FAM78B: variants seen among roughly 807,000 people sequenced by gnomAD.
FAM78B encodes protein FAM78B.
FAM78B carries 10 observed loss-of-function variants against 20.0 expected under a neutral mutation model. The ratio of observed to expected loss-of-function variants is 0.50; its 90% confidence interval spans 0.31 to 0.85. The LOEUF (loss-of-function observed/expected upper bound fraction) is 0.85. FAM78B is among the 40% of genes least tolerant of loss of function. The pLI, the probability that FAM78B is intolerant of heterozygous loss-of-function variation, is 0.05. For synonymous variants in FAM78B, 135 were observed against 132.8 expected (o/e 1.02, Z -0.12); for missense variants, 283 against 345.0 (o/e 0.82, Z 1.42).
chr1:166,086,482 G>C (rs1462397635), intron 1 of FAM78B, among the ~76,000 whole-genome samples: 1 of 152,190 alleles, frequency 6.6e-6, no homozygotes, highest in South Asian at 2.1e-4. Context: ...GGTGTAGGGG[G>C]AAGGGTCAAG....
intron 1 of FAM78B, among the ~76,000 whole-genome samples, chr1:166,162,288 G>C (rs554999092): frequency 1.3e-5 from 2 of 152,334 alleles, no homozygotes; most frequent in East Asian, 3.9e-4. Flanking sequence ...TCTGAAGGAG[G>C]AGTAGAGGGA....
chr1:166,149,734 C>A (rs1457454890), intron 1 of FAM78B, among the ~76,000 whole-genome samples: 3 of 152,200 alleles, frequency 2.0e-5, no homozygotes, highest in Non-Finnish European at 4.4e-5. Context: ...ATGGCCCCAA[C>A]CACCTTGAGC....
rs1557891069 is a variant in FAM78B at position 166,077,913 on chromosome 1, TATATATATAATAAATATATAATA to T, written c.264-7173_264-7151del. ...AATATATATAATTTATATATATAAT[TATATATATAATAAATATATAATA>T]ATATATATAATTTATATATATAATT... is the stretch of plus-strand genomic sequence containing the variant. On this transcript the variant is annotated intron_variant, in intron 1 of 1. Transcript: ENST00000354422. Among the ~76,000 whole-genome samples, 40 of 5,312 alleles carry T rather than the reference TATATATATAATAAATATATAATA, an allele frequency of 7.5e-3. 4 individuals are homozygous for T. Among genetic ancestry groups the T allele is most frequent in the African/African-American group, 8.0e-3 (26 of 3,240 alleles). The allele number at this position is 5,312 out of a possible 152,430, so 3.5% of individuals were successfully genotyped here.
intron 2 of FAM78B, among the ~76,000 whole-genome samples, chr1:166,061,376 G>A (rs1406249904): frequency 6.6e-6 from 1 of 151,638 alleles, no homozygotes; most frequent in Non-Finnish European, 1.5e-5. Context: ...TTGAATTTTT[G>A]ATATGCTCTG....
chr1:166,064,074 G>A (rs1430340450), intron 2 of FAM78B, among the ~76,000 whole-genome samples: 2 of 152,174 alleles, frequency 1.3e-5, no homozygotes, highest in African/African-American at 4.8e-5. Context: ...GAGCCCTTGG[G>A]AAGCAGCCCT....
At chr1:166,115,719 G>A (rs1169784770) in intron 1 of FAM78B, among the ~76,000 whole-genome samples, 2 of 152,202 alleles carry the variant, frequency 1.3e-5, no homozygotes, top group Admixed American at 6.5e-5. Flanking sequence ...GCGGCTGAGG[G>A]CTCAAGAAAG....
chr1:166,161,594 T>TA (rs1256793365), intron 1 of FAM78B, among the ~76,000 whole-genome samples: 2 of 152,140 alleles, frequency 1.3e-5, no homozygotes, highest in Non-Finnish European at 2.9e-5. Flanking sequence ...AGGTGACAGT[T>TA]AATGGTGACA....
intron 1 of FAM78B, among the ~76,000 whole-genome samples, chr1:166,096,714 C>T (rs1653290774): frequency 6.6e-6 from 1 of 152,196 alleles, no homozygotes; most frequent in Non-Finnish European, 1.5e-5. Context: ...TGGTCTTCCT[C>T]CCTGAATACC....
intron 1 of FAM78B, among the ~76,000 whole-genome samples, chr1:166,085,280 T>C (rs747364049): frequency 6.6e-6 from 1 of 152,142 alleles, no homozygotes; most frequent in Non-Finnish European, 1.5e-5. Context: ...CTGATGGAGA[T>C]AATGAACACT....
downstream of FAM78B, among the ~76,000 whole-genome samples, chr1:166,065,951 A>T (rs1443050085): frequency 6.6e-6 from 1 of 152,176 alleles, no homozygotes; most frequent in Non-Finnish European, 1.5e-5. Context: ...GTGTGTTTAC[A>T]TCTTTCTTTG....
intron 1 of FAM78B, among the ~76,000 whole-genome samples, chr1:166,079,044 G>A (rs570196514): frequency 1.5e-4 from 22 of 150,406 alleles, no homozygotes; most frequent in African/African-American, 4.4e-4. Context: ...TGATCCTCCC[G>A]CCTCAGCCTC....
At chr1:166,090,678 G>A (rs1425649807) in intron 1 of FAM78B, among the ~76,000 whole-genome samples, 1 of 152,126 alleles carries the variant, frequency 6.6e-6, no homozygotes, top group Admixed American at 6.5e-5. Flanking sequence ...GGGTGCAGGC[G>A]ACAACAAGAC....
chr1:166,126,556 G>A (rs1188324745), intron 1 of FAM78B, among the ~76,000 whole-genome samples: 1 of 152,126 alleles, frequency 6.6e-6, no homozygotes, highest in East Asian at 1.9e-4. Context: ...CCATCTGGGG[G>A]AGGGGCATTC....
At chr1:166,105,218 A>C (rs1432660328) in intron 1 of FAM78B, among the ~76,000 whole-genome samples, 1 of 152,258 alleles carries the variant, frequency 6.6e-6, no homozygotes, top group Non-Finnish European at 1.5e-5. Context: ...GATGCATTAA[A>C]GACTTAAATG....
intron 1 of FAM78B, among the ~76,000 whole-genome samples, chr1:166,091,091 G>C (rs1231266873): frequency 6.6e-6 from 1 of 152,150 alleles, no homozygotes; most frequent in Non-Finnish European, 1.5e-5. Context: ...CAGCAGAGGA[G>C]GAAGCAGCAT....
At chr1:166,109,006 A>T (rs556771161) in intron 1 of FAM78B, among the ~76,000 whole-genome samples, 1 of 152,318 alleles carries the variant, frequency 6.6e-6, no homozygotes, top group East Asian at 1.9e-4. Context: ...ACAAAAATCA[A>T]CTCAAGATGA....
chr1:166,141,990 T>C (rs917342662), intron 1 of FAM78B, among the ~76,000 whole-genome samples: 4 of 152,102 alleles, frequency 2.6e-5, no homozygotes, highest in Non-Finnish European at 4.4e-5. Context: ...TCTCTCCTGG[T>C]CTTGGAAGGG....
At chr1:166,146,793 C>T (rs556445322) in intron 1 of FAM78B, among the ~76,000 whole-genome samples, 1 of 152,304 alleles carries the variant, frequency 6.6e-6, no homozygotes, top group South Asian at 2.1e-4. Context: ...TAGAAATGGC[C>T]TTCTGAGCAT....
intron 1 of FAM78B, among the ~76,000 whole-genome samples, chr1:166,085,740 C>G (rs1406499148): frequency 6.6e-6 from 1 of 152,212 alleles, no homozygotes; most frequent in Non-Finnish European, 1.5e-5. Context: ...AAGAACATAA[C>G]CGACAGGGTC....
Sources: gnomAD v4.1 joint callset for allele counts (sites outside exome capture counted in the v4.1 genomes callset) on GRCh38, gnomAD v4.1.1 for gene constraint, MANE v1.5 for transcripts, NCBI Gene and HGNC (gene_info 2026-07-23, HGNC 2026-07-21) for gene names.